Variants in SLCO3A1 observed in about 807,000 individuals in gnomAD.
SLCO3A1 encodes solute carrier organic anion transporter family member 3A1.
Under a neutral mutation model 63.1 loss-of-function variants are expected in SLCO3A1, and 27 were observed. The ratio of observed to expected loss-of-function variants is 0.43; its 90% CI spans 0.32 to 0.59. SLCO3A1 has a LOEUF of 0.59. SLCO3A1 is among the 20% of genes least tolerant of loss of function. The pLI is 0.09. For missense variants in SLCO3A1, 773 were observed against 945.8 expected, an observed-to-expected ratio of 0.82 and a Z score of 2.40; for synonymous variants, 473 against 409.9, an observed-to-expected ratio of 1.15 and a Z score of -1.86.
chr15:92,077,048 G>A (rs1285512057), intron 2 of SLCO3A1, among the ~76,000 whole-genome samples: 2 of 152,274 alleles, frequency 1.3e-5, no homozygotes, highest in African/African-American at 4.8e-5. Context: ...TCTTCACATG[G>A]TGGCAGGAGA....
intron 1 of SLCO3A1, among the ~76,000 whole-genome samples, chr15:91,871,765 G>GT (rs33938693): frequency 0.36 from 16,344 of 45,726 alleles, 3,877 homozygotes; most frequent in East Asian, 0.5. Context: ...TTTTTTTTTG[G>GT]TTTTTTTTTT....
At chr15:92,071,382 A>C (rs1393334075) in intron 2 of SLCO3A1, among the ~76,000 whole-genome samples, 1 of 152,240 alleles carries the variant, frequency 6.6e-6, no homozygotes, top group Non-Finnish European at 1.5e-5. Flanking sequence ...AAATGAAGAC[A>C]CAGGACAGTG....
At chr15:91,989,393 C>T (rs2046097044) in intron 2 of SLCO3A1, among the ~76,000 whole-genome samples, 1 of 152,142 alleles carries the variant, frequency 6.6e-6, no homozygotes, top group Non-Finnish European at 1.5e-5. Context: ...GTTTTGTGGC[C>T]CCCGTTTCCA....
chr15:92,103,400 A>G (rs2047629234), intron 3 of SLCO3A1, among the ~76,000 whole-genome samples: 1 of 152,228 alleles, frequency 6.6e-6, no homozygotes, highest in Non-Finnish European at 1.5e-5. Flanking sequence ...AGCTGGCACA[A>G]TAAAAGAAAT....
At chr15:91,866,637 G>C (rs980531105) in intron 1 of SLCO3A1, among the ~76,000 whole-genome samples, 1 of 150,944 alleles carries the variant, frequency 6.6e-6, no homozygotes, top group South Asian at 2.1e-4. Context: ...AATTAACTTC[G>C]ACAACTTCCT....
chr15:91,994,999 T>C (rs1023153215), intron 2 of SLCO3A1, among the ~76,000 whole-genome samples: 9 of 152,214 alleles, frequency 5.9e-5, no homozygotes, highest in African/African-American at 2.2e-4. Context: ...AAAAATCCTT[T>C]ACATGAGCAT....
intron 2 of SLCO3A1, among the ~76,000 whole-genome samples, chr15:92,029,115 A>G (rs2046614265): frequency 6.6e-6 from 1 of 152,156 alleles, no homozygotes. Flanking sequence ...CGGTAAATGG[A>G]ATCTCTTCTG....
intron 2 of SLCO3A1, among the ~76,000 whole-genome samples, chr15:92,036,869 G>A (rs2151484269): frequency 6.6e-6 from 1 of 152,280 alleles, no homozygotes; most frequent in East Asian, 1.9e-4. Context: ...AATGGAGGAG[G>A]CGATCCATGG....
At chr15:91,946,869 C>G (rs773935395) in intron 2 of SLCO3A1, among the ~76,000 whole-genome samples, 2 of 152,178 alleles carry the variant, frequency 1.3e-5, no homozygotes, top group African/African-American at 2.4e-5. Context: ...AAACATTCTT[C>G]TAGCCAACGG....
At chr15:91,933,464 TA>T (rs1435931772) in intron 2 of SLCO3A1, among the ~76,000 whole-genome samples, 2 of 152,234 alleles carry the variant, frequency 1.3e-5, no homozygotes, top group Non-Finnish European at 2.9e-5. Flanking sequence ...TATATATTAT[TA>T]GCTTCCTTTT....
chr15:91,896,214 C>G (rs1255584684), intron 1 of SLCO3A1, among the ~76,000 whole-genome samples: 1 of 152,112 alleles, frequency 6.6e-6, no homozygotes, highest in East Asian at 1.9e-4. Context: ...AAGAAATGCT[C>G]CCGGCATAAG....
intron 2 of SLCO3A1, among the ~76,000 whole-genome samples, chr15:91,961,171 A>G (rs1470463633): frequency 6.6e-6 from 1 of 152,248 alleles, no homozygotes. Context: ...TAGTCAATTT[A>G]TCTCCTAATT....
At chr15:92,091,805 G>T (rs182915017) in intron 2 of SLCO3A1, among the ~76,000 whole-genome samples, 1 of 152,208 alleles carries the variant, frequency 6.6e-6, no homozygotes, top group African/African-American at 2.4e-5. Flanking sequence ...GGTGTTTGGC[G>T]TGGGGTCCTA....
chr15:91,976,201 G>A (rs2151432908), intron 2 of SLCO3A1, among the ~76,000 whole-genome samples: 1 of 152,270 alleles, frequency 6.6e-6, no homozygotes, highest in Non-Finnish European at 1.5e-5. Context: ...GGAGAAGATA[G>A]ATGGAAGCAA....
chr15:92,168,302 AGAT>A (rs1250810755), downstream of SLCO3A1, among the ~76,000 whole-genome samples: 1 of 152,222 alleles, frequency 6.6e-6, no homozygotes, highest in Non-Finnish European at 1.5e-5. Flanking sequence ...CAGGGTGAGA[AGAT>A]GAGGGCAGAA....
chr15:92,126,362 G>A, intron 6 of SLCO3A1, 103 bp downstream of exon 6: 3 of 915,044 alleles, frequency 3.3e-6, no homozygotes, highest in Non-Finnish European at 5.3e-6. Flanking sequence ...AGTGACCTGA[G>A]GAGACGCATC....
intron 7 of SLCO3A1, 48 bp downstream of exon 7, chr15:92,128,537 G>A (rs2047954553): frequency 6.4e-7 from 1 of 1,551,018 alleles, no homozygotes; most frequent in Non-Finnish European, 8.7e-7. Flanking sequence ...GGCAGCTAAA[G>A]TGGCTTAAAA....
At chr15:92,148,271 A>C (rs2048256499) in intron 8 of SLCO3A1, among the ~76,000 whole-genome samples, 1 of 152,198 alleles carries the variant, frequency 6.6e-6, no homozygotes, top group South Asian at 2.1e-4. Flanking sequence ...GAACAGATTC[A>C]ATAGCAAAGG....
At chr15:91,899,443 C>A (rs1898095740) in intron 1 of SLCO3A1, among the ~76,000 whole-genome samples, 1 of 152,128 alleles carries the variant, frequency 6.6e-6, no homozygotes, top group Non-Finnish European at 1.5e-5. Context: ...TTTATCATAA[C>A]CTAACAACAT....
Sources: gnomAD v4.1 joint callset for allele counts (sites outside exome capture counted in the v4.1 genomes callset) on GRCh38, gnomAD v4.1.1 for gene constraint, MANE v1.5 for transcripts, NCBI Gene and HGNC (gene_info 2026-07-23, HGNC 2026-07-21) for gene names.